The following CEP112 variants were observed in gnomAD, a reference collection of about 807,000 sequenced individuals.
CEP112 encodes centrosomal protein 112.
A neutral mutation model predicts 153.0 loss-of-function variants in CEP112; 127 were observed. That is an observed-to-expected ratio of 0.83 (90% CI 0.72 to 0.96). The LOEUF (loss-of-function observed/expected upper bound fraction) is 0.96, where lower values mean the gene tolerates loss of function less well. CEP112 is among the 40% of genes least tolerant of loss of function. CEP112 has a pLI of 0.00. For synonymous variants in CEP112, 358 were observed against 374.4 expected, an observed-to-expected ratio of 0.96 and a Z score of 0.51; for missense variants, 1,089 against 1,101.2, an observed-to-expected ratio of 0.99 and a Z score of 0.16.
intron 21 of CEP112, among the ~76,000 whole-genome samples, chr17:65,820,173 A>T (rs1481652215): frequency 2.6e-5 from 4 of 152,036 alleles, no homozygotes; most frequent in Non-Finnish European, 5.9e-5. Context: ...ACCGTCTGAC[A>T]TTCTTCCGAT....
chr17:66,121,579 C>T (rs2069593201), intron 6 of CEP112, among the ~76,000 whole-genome samples: 1 of 152,162 alleles, frequency 6.6e-6, no homozygotes. Flanking sequence ...TGCATAATCT[C>T]TATCAATCTA....
chr17:65,694,628 T>C (rs745863717), intron 23 of CEP112, among the ~76,000 whole-genome samples: 2 of 152,174 alleles, frequency 1.3e-5, no homozygotes, highest in Non-Finnish European at 2.9e-5. Flanking sequence ...TCAAAAAAGT[T>C]AAAATGTACG....
At chr17:65,659,040 A>AT (rs2046212613) in intron 24 of CEP112, among the ~76,000 whole-genome samples, 3 of 149,822 alleles carry the variant, frequency 2.0e-5, no homozygotes, top group African/African-American at 7.5e-5. Context: ...AAAAAAAAAA[A>AT]ATATCAGACC....
At chr17:66,136,209 G>C (rs2070429659) in intron 4 of CEP112, among the ~76,000 whole-genome samples, 1 of 152,134 alleles carries the variant, frequency 6.6e-6, no homozygotes, top group Non-Finnish European at 1.5e-5. Context: ...TGAGAACGAA[G>C]CCTCCAGTTT....
At chr17:65,688,861 G>A (rs563864925) in intron 24 of CEP112, 26 of 282,766 alleles carry the variant, frequency 9.2e-5, no homozygotes, top group Admixed American at 8.0e-4. Flanking sequence ...TCTGCCTCCC[G>A]GGTTCAAGTA....
At chr17:66,163,427 T>C (rs1457792448) in intron 4 of CEP112, among the ~76,000 whole-genome samples, 4 of 152,172 alleles carry the variant, frequency 2.6e-5, no homozygotes, top group Non-Finnish European at 4.4e-5. Context: ...CTAAATATAC[T>C]TATGAAACAT....
chr17:65,813,693 G>A lies in CEP112; in HGVS notation c.2394+38111C>T, dbSNP rs918663743. Among the ~76,000 whole-genome samples the A allele has an allele frequency of 2.6e-4, 40 of 152,202 alleles. 1 individual carries two copies. Among genetic ancestry groups the A allele is most frequent in the South Asian group, 2.1e-4 (1 of 4,822 alleles). On this transcript the variant is annotated intron_variant, in intron 21 of 26. Transcript: ENST00000535342. ...GGGAGAATTAAAGTAGATAAGGTGC[G>A]TGAAAGTGCTTTACACATGGAAAGC...
chr17:65,751,959 TATC>T (rs2051884854), intron 21 of CEP112, among the ~76,000 whole-genome samples: 4 of 28,108 alleles, frequency 1.4e-4, no homozygotes, highest in Admixed American at 4.9e-4. Context: ...TCCTTCTATC[TATC>T]TATCTATCTA....
chr17:66,181,368 T>C (rs1568587842), intron 2 of CEP112, among the ~76,000 whole-genome samples: 1 of 152,084 alleles, frequency 6.6e-6, no homozygotes, highest in Non-Finnish European at 1.5e-5. Flanking sequence ...TCTTTTGAGA[T>C]GGAGTCTCGC....
chr17:66,068,431 G>A (rs2067198195), intron 9 of CEP112, among the ~76,000 whole-genome samples: 1 of 151,968 alleles, frequency 6.6e-6, no homozygotes, highest in African/African-American at 2.4e-5. Context: ...TCCAGCTTGA[G>A]CAACATAGCA....
At chr17:66,065,484 A>C (rs1054606036) in intron 10 of CEP112, among the ~76,000 whole-genome samples, 1 of 152,040 alleles carries the variant, frequency 6.6e-6, no homozygotes, top group African/African-American at 2.4e-5. Flanking sequence ...TCCTCCCAAA[A>C]CATGAGGTCC....
intron 12 of CEP112, among the ~76,000 whole-genome samples, chr17:66,046,006 G>C (rs1180909522): frequency 6.6e-6 from 1 of 151,974 alleles, no homozygotes; most frequent in African/African-American, 2.4e-5. Context: ...TGAGAATCCA[G>C]TTGCCTGCTA....
chr17:65,777,155 G>A (rs754588512), intron 21 of CEP112, among the ~76,000 whole-genome samples: 8 of 152,134 alleles, frequency 5.3e-5, no homozygotes, highest in Admixed American at 1.3e-4. Context: ...CTTTTGAGGC[G>A]CCATGTAGGT....
chr17:65,970,294 T>TA (rs1010735357), intron 17 of CEP112, among the ~76,000 whole-genome samples: 3 of 138,014 alleles, frequency 2.2e-5, no homozygotes, highest in African/African-American at 7.7e-5. Flanking sequence ...ATGGATGTCA[T>TA]ACTGCATGTG....
chr17:66,116,863 CTTTTTT>C (rs35885142), intron 6 of CEP112, among the ~76,000 whole-genome samples: 2 of 119,202 alleles, frequency 1.7e-5, no homozygotes, highest in African/African-American at 6.1e-5. Context: ...CTCCAATCTC[CTTTTTT>C]TTTTTTTTTT....
chr17:65,886,919 A>G (rs535797091), intron 20 of CEP112, among the ~76,000 whole-genome samples: 1 of 152,320 alleles, frequency 6.6e-6, no homozygotes, highest in South Asian at 2.1e-4. Context: ...ACGAGCTGGA[A>G]TACTATGTGC....
intron 21 of CEP112, among the ~76,000 whole-genome samples, chr17:65,756,781 G>A (rs1296461883): frequency 2.6e-5 from 4 of 152,190 alleles, no homozygotes; most frequent in African/African-American, 9.7e-5. Context: ...CAGCATGTTT[G>A]TAGGCTGATA....
At chr17:65,836,312 G>A (rs775265041) in intron 21 of CEP112, among the ~76,000 whole-genome samples, 8 of 152,102 alleles carry the variant, frequency 5.3e-5, no homozygotes, top group Non-Finnish European at 1.0e-4. Flanking sequence ...AATGCAAATG[G>A]GTTAAATTCT....
chr17:65,791,023 T>A (rs2054563930), intron 21 of CEP112, among the ~76,000 whole-genome samples: 1 of 148,966 alleles, frequency 6.7e-6, no homozygotes, highest in Non-Finnish European at 1.5e-5. Flanking sequence ...ACACTTTATT[T>A]TGATCCCATT....
Sources: allele counts gnomAD v4.1 joint callset (sites outside exome capture counted in the v4.1 genomes callset), GRCh38; gene constraint gnomAD v4.1.1; transcripts MANE v1.5; gene names NCBI Gene and HGNC (gene_info 2026-07-23, HGNC 2026-07-21).